The following ANKRD11 variants were observed in gnomAD, a reference collection of about 807,000 sequenced individuals.
ANKRD11 encodes ankyrin repeat domain 11, also known as ankyrin repeat domain-containing protein 11.
A neutral mutation model predicts 195.7 loss-of-function variants in ANKRD11; 17 were observed. The ratio of observed to expected loss-of-function variants is 0.09; its 90% CI spans 0.06 to 0.13. The LOEUF (loss-of-function observed/expected upper bound fraction) is 0.13. Ranked by LOEUF, ANKRD11 falls within the 10% of genes least tolerant of loss-of-function variation. The pLI is 1.00. For synonymous variants in ANKRD11, 1,953 were observed against 1,528.1 expected (o/e 1.28, Z -6.49); for missense variants, 3,735 against 3,566.1 (o/e 1.05, Z -1.21).
At chr16:89,307,881 TCAC>T (rs2036384182) in intron 3 of ANKRD11, among the ~76,000 whole-genome samples, 1 of 152,256 alleles carries the variant, frequency 6.6e-6, no homozygotes, top group Non-Finnish European at 1.5e-5. Flanking sequence ...GAGGCCACCA[TCAC>T]CCTAATCTCA....
In ANKRD11 at chr16:89,418,436, G is replaced by A. The variant is rs980403135; in HGVS notation, c.-144-68C>T. The A allele has an allele frequency of 3.7e-5, 15 of 406,968 alleles. 1 individual carries two copies. The highest frequency in any genetic ancestry group is 2.2e-4 in the South Asian group (13 of 57,832). The allele number at this position is 406,968 out of a possible 1,614,324, so 25.2% of individuals were successfully genotyped here. ...CAGCCTCAGTTCTTTCATCGCTCTCGTCTCCCTCCATTTGGTCCACACGGT... is the reference window on the plus strand; with the variant it reads ...CAGCCTCAGTTCTTTCATCGCTCTCATCTCCCTCCATTTGGTCCACACGGT... On this transcript the variant is annotated intron_variant, in intron 1 of 12. Transcript: ENST00000301030.
intron 2 of ANKRD11, among the ~76,000 whole-genome samples, chr16:89,402,576 G>A (rs1249341869): frequency 6.6e-6 from 1 of 151,240 alleles, no homozygotes; most frequent in Non-Finnish European, 1.5e-5. Context: ...CAGCTACTCG[G>A]GAGGCTGAGG....
intron 1 of ANKRD11, among the ~76,000 whole-genome samples, chr16:89,483,890 T>C (rs1286533538): frequency 6.6e-6 from 1 of 152,072 alleles, no homozygotes; most frequent in Non-Finnish European, 1.5e-5. Context: ...AACTTCAAAT[T>C]TCAGATAGAC....
chr16:89,340,270 T>C (rs114013464), intron 2 of ANKRD11, among the ~76,000 whole-genome samples: 1,877 of 152,326 alleles, frequency 0.012, 36 homozygotes, highest in African/African-American at 0.043. Context: ...ATGTCTTCTG[T>C]TGTAATTTTT....
chr16:89,374,853 C>G (rs1255568758), intron 2 of ANKRD11, among the ~76,000 whole-genome samples: 1 of 151,982 alleles, frequency 6.6e-6, no homozygotes, highest in Admixed American at 6.6e-5. Context: ...TTGTTTTCAA[C>G]AAATACACTG....
intron 2 of ANKRD11, among the ~76,000 whole-genome samples, chr16:89,354,618 A>G (rs895320242): frequency 3.9e-5 from 6 of 152,128 alleles, no homozygotes; most frequent in African/African-American, 1.4e-4. Flanking sequence ...ACGGTGGCTC[A>G]CTCTTGTAAT....
At chr16:89,348,247 T>A (rs962591087) in intron 2 of ANKRD11, among the ~76,000 whole-genome samples, 18 of 152,292 alleles carry the variant, frequency 1.2e-4, no homozygotes, top group South Asian at 2.1e-4. Flanking sequence ...TACCATTTTT[T>A]AAAAAAATCT....
At chr16:89,421,129 G>A (rs1012789925) in intron 1 of ANKRD11, among the ~76,000 whole-genome samples, 1 of 151,546 alleles carries the variant, frequency 6.6e-6, no homozygotes, top group Non-Finnish European at 1.5e-5. Context: ...GCTGAGACAC[G>A]AAGGGTCAGT....
intron 1 of ANKRD11, among the ~76,000 whole-genome samples, chr16:89,443,997 C>T (rs529159666): frequency 6.6e-6 from 1 of 152,190 alleles, no homozygotes; most frequent in Non-Finnish European, 1.5e-5. Flanking sequence ...GAGGCAGAAA[C>T]TCCGCAGACC....
At position 89,283,199 on chromosome 16, in the gene ANKRD11, T is replaced by C. The variant is rs753868881; in HGVS notation, c.3343A>G (p.Ile1115Val). ...CTCTCATCTGTGAAGATGTCTGCGA[T>C]GTACCAGCTTTTCTCTTTGCCTTTC... ...DKKGKEKSWY[I>V]ADIFTDESED... Residue 1115 changes from isoleucine (I) to valine (V), a missense_variant, in exon 9 of 13, where the codon ATC becomes GTC. Ile to Val is a conservative substitution (Grantham distance 29, BLOSUM62 3). Coordinates refer to ENST00000301030, the MANE Select transcript of ANKRD11 (RefSeq NM_013275.6). This position sits in a 1 kb window ranked among gnomAD's most constrained non-coding sequence, Gnocchi z 4.3. The C allele has an allele frequency of 2.0e-5, 33 of 1,614,204 alleles. No homozygotes were observed. The highest frequency in any genetic ancestry group is 2.5e-5 in the Non-Finnish European group (30 of 1,180,044).
chr16:89,333,390 C>T (rs1366013058), intron 2 of ANKRD11, among the ~76,000 whole-genome samples: 5 of 152,178 alleles, frequency 3.3e-5, no homozygotes, highest in East Asian at 1.9e-4. Flanking sequence ...ACAGGCCGCA[C>T]GACCTCAGGG....
intron 4 of ANKRD11, chr16:89,299,375 G>A: frequency 4.7e-6 from 1 of 210,564 alleles, no homozygotes; most frequent in Non-Finnish European, 9.6e-6. Flanking sequence ...TGGGGTGCCT[G>A]CCCTGTGTGG....
chr16:89,477,741 GC>G (rs1237078126), intron 1 of ANKRD11, among the ~76,000 whole-genome samples: 3 of 151,528 alleles, frequency 2.0e-5, no homozygotes, highest in African/African-American at 7.3e-5. Context: ...GGGAGGCTGA[GC>G]AGGTACATCA....
At chr16:89,396,811 C>G (rs548642919) in intron 2 of ANKRD11, among the ~76,000 whole-genome samples, 2 of 152,098 alleles carry the variant, frequency 1.3e-5, no homozygotes, top group African/African-American at 4.8e-5. Context: ...CTCAGCCTCC[C>G]GAGTAGCTGG....
intron 9 of ANKRD11, chr16:89,277,460 C>G (rs2033752341): frequency 6.6e-6 from 1 of 152,282 alleles, no homozygotes; most frequent in South Asian, 2.1e-4. Context: ...CTTTTTTCCC[C>G]TGTATTTTCC....
intron 1 of ANKRD11, among the ~76,000 whole-genome samples, chr16:89,431,603 C>CT (rs2042981170): frequency 2.0e-5 from 3 of 152,296 alleles, no homozygotes; most frequent in South Asian, 2.1e-4. Context: ...CTCTTGTGAA[C>CT]TTTGTTTCCA....
In ANKRD11 at chr16:89,281,440, G is replaced by C. The variant is rs2034236820; in HGVS notation, c.5102C>G (p.Thr1701Ser). Residue 1701 changes from threonine (T) to serine (S), a missense_variant, in exon 9 of 13, where the codon ACT becomes AGT. Thr to Ser is a moderately conservative substitution (Grantham distance 58). Transcript: ENST00000301030. This position sits in a 1 kb window ranked among gnomAD's most constrained non-coding sequence, Gnocchi z 5.5. ...ASPRPDQSRPTGVPTPTSVLS... is the reference protein window; with the variant it reads ...ASPRPDQSRPSGVPTPTSVLS... Reference sequence around the variant, plus strand: ...CACCGACGTAGGGGTGGGCACGCCAGTGGGCCGGCTCTGGTCAGGCCTGGG... The same window carrying C: ...CACCGACGTAGGGGTGGGCACGCCACTGGGCCGGCTCTGGTCAGGCCTGGG... 1 of 1,613,264 alleles carries C rather than the reference G, an allele frequency of 6.2e-7. No individual in the cohort carries two copies. Among genetic ancestry groups the C allele is most frequent in the South Asian group, 1.1e-5 (1 of 91,076 alleles).
In ANKRD11 at chr16:89,288,547, G is replaced by A; in HGVS notation, c.725C>T (p.Ala242Val). 6.2e-7 allele frequency: 1 copy of A among 1,614,148 alleles called. No individual in the cohort carries two copies. Among genetic ancestry groups the A allele is most frequent in the Non-Finnish European group, 8.5e-7 (1 of 1,180,036 alleles). The part of the protein sequence containing the change: ...LDDDTPLHDA[A>V]NNGHYKVVKL... Reference sequence around the variant, plus strand: ...GCCAACCTTGTAGTGCCCGTTGTTGGCAGCGTCGTGCAAAGGCGTGTCGTC... The same window carrying A: ...GCCAACCTTGTAGTGCCCGTTGTTGACAGCGTCGTGCAAAGGCGTGTCGTC... Residue 242 changes from alanine to valine, a missense_variant, in exon 7 of 13, where the codon GCC becomes GTC. Physicochemically the swap from Ala to Val is moderately conservative, Grantham distance 64 (BLOSUM62 0). Transcript: ENST00000301030.
At position 89,281,654 on chromosome 16, in the gene ANKRD11, C is replaced by T. The variant is rs1466196842; in HGVS notation, c.4888G>A (p.Gly1630Arg). Reference sequence around the variant, plus strand: ...GGAATGTCCAGACCCTTCTTCCGCCCGTCGTCTGCCGGCTTCGCCTTCTCC... The same window carrying T: ...GGAATGTCCAGACCCTTCTTCCGCCTGTCGTCTGCCGGCTTCGCCTTCTCC... Reference protein sequence around the residue: ...LKEKAKPADDGRKKGLDIPAK... With the variant: ...LKEKAKPADDRRKKGLDIPAK... Residue 1630 changes from glycine to arginine, a missense_variant, in exon 9 of 13, where the codon GGG (glycine) becomes AGG (arginine). Coordinates refer to ENST00000301030, the MANE Select transcript of ANKRD11 (RefSeq NM_013275.6). The surrounding 1 kb of genome is among the most constrained non-coding windows in gnomAD (Gnocchi z 5.5). The T allele has an allele frequency of 1.9e-6, 3 of 1,614,054 alleles. No individual in the cohort carries two copies. Among genetic ancestry groups the T allele is most frequent in the Admixed American group, 1.7e-5 (1 of 60,000 alleles).
Sources: allele counts gnomAD v4.1 joint callset (sites outside exome capture counted in the v4.1 genomes callset), GRCh38; gene constraint gnomAD v4.1.1; non-coding constraint Gnocchi (gnomAD v3.1); transcripts MANE v1.5; gene names NCBI Gene and HGNC (gene_info 2026-07-23, HGNC 2026-07-21).